GPC5: variants seen among roughly 807,000 people sequenced by gnomAD.
The protein encoded by GPC5 is glypican-5.
GPC5 carries 47 observed loss-of-function variants against 53.9 expected under a neutral mutation model. The observed-to-expected ratio is 0.87, with a 90% CI of 0.69 to 1.11. The LOEUF is 1.11. GPC5 is among the 50% of genes most tolerant of loss of function. The probability of loss-of-function intolerance (pLI) is 0.00; values close to 1 mark genes in which losing one functional copy is unlikely to be tolerated. For synonymous variants in GPC5, 286 were observed against 263.3 expected (o/e 1.09, Z -0.84); for missense variants, 748 against 713.1 (o/e 1.05, Z -0.56).
chr13:92,731,496 T>G (rs1184219283), intron 7 of GPC5, among the ~76,000 whole-genome samples: 1 of 151,220 alleles, frequency 6.6e-6, no homozygotes, highest in African/African-American at 2.4e-5. Context: ...AATAAACAGA[T>G]GGGGGAGAAT....
At chr13:92,655,306 T>TTTATTTAC in intron 7 of GPC5, among the ~76,000 whole-genome samples, 1 of 132,970 alleles carries the variant, frequency 7.5e-6, no homozygotes, top group South Asian at 2.8e-4. Flanking sequence ...CTTTTATTTA[T>TTTATTTAC]TTATTTATTT....
At chr13:92,720,341 TA>T (rs747876524) in intron 7 of GPC5, among the ~76,000 whole-genome samples, 7 of 152,160 alleles carry the variant, frequency 4.6e-5, no homozygotes, top group Non-Finnish European at 1.0e-4. Flanking sequence ...AATAAAGGTT[TA>T]AAAAGGTTTT....
intron 5 of GPC5, among the ~76,000 whole-genome samples, chr13:91,766,753 A>AT (rs1179766452): frequency 6.6e-6 from 1 of 152,100 alleles, no homozygotes; most frequent in Non-Finnish European, 1.5e-5. Context: ...TCAGCTACTT[A>AT]TGTGGCTGAG....
chr13:91,557,559 A>C (rs2031028266), intron 2 of GPC5, among the ~76,000 whole-genome samples: 1 of 152,118 alleles, frequency 6.6e-6, no homozygotes. Flanking sequence ...TTCAGGTGAC[A>C]GAGCAGAGTT....
intron 6 of GPC5, among the ~76,000 whole-genome samples, chr13:92,119,792 G>T (rs2041633896): frequency 6.7e-6 from 1 of 150,116 alleles, no homozygotes; most frequent in African/African-American, 2.5e-5. Flanking sequence ...ATGTGTAGAT[G>T]AGTTTTTTAG....
chr13:91,965,044 A>T (rs1594692458), intron 6 of GPC5, among the ~76,000 whole-genome samples: 1 of 125,854 alleles, frequency 7.9e-6, no homozygotes, highest in South Asian at 2.7e-4. Flanking sequence ...GAGAACACTT[A>T]GACACAGGGT....
At chr13:91,646,145 G>T (rs931444097) in intron 2 of GPC5, among the ~76,000 whole-genome samples, 11 of 152,196 alleles carry the variant, frequency 7.2e-5, no homozygotes, top group Middle Eastern at 3.4e-3. Flanking sequence ...CAAATCTGTA[G>T]CCCAGAAACC....
intron 6 of GPC5, among the ~76,000 whole-genome samples, chr13:91,934,602 T>G (rs1191782652): frequency 6.6e-6 from 1 of 151,968 alleles, no homozygotes; most frequent in Non-Finnish European, 1.5e-5. Context: ...AGATAGCAGC[T>G]GAAGAATTTA....
At chr13:92,449,236 G>A (rs966037221) in intron 7 of GPC5, among the ~76,000 whole-genome samples, 5 of 152,120 alleles carry the variant, frequency 3.3e-5, no homozygotes, top group African/African-American at 1.2e-4. Flanking sequence ...CATTAAAATA[G>A]TATATGCAGT....
intron 6 of GPC5, among the ~76,000 whole-genome samples, chr13:92,129,819 CAAG>C (rs1349640170): frequency 2.0e-5 from 3 of 151,840 alleles, no homozygotes; most frequent in African/African-American, 7.3e-5. Flanking sequence ...CAGAACAAAA[CAAG>C]AAAGACATGA....
chr13:92,359,942 T>G (rs541916433), intron 7 of GPC5, among the ~76,000 whole-genome samples: 44 of 151,888 alleles, frequency 2.9e-4, no homozygotes, highest in Non-Finnish European at 3.1e-4. Context: ...TTGTTTTTTT[T>G]CTTGTAAATT....
chr13:92,627,564 C>T (rs573446071), intron 7 of GPC5, among the ~76,000 whole-genome samples: 6 of 152,150 alleles, frequency 3.9e-5, no homozygotes, highest in African/African-American at 1.4e-4. Flanking sequence ...AACATATTTA[C>T]TGTAATTCAT....
At chr13:91,987,551 T>C (rs1331664707) in intron 6 of GPC5, among the ~76,000 whole-genome samples, 3 of 151,880 alleles carry the variant, frequency 2.0e-5, no homozygotes, top group Non-Finnish European at 4.4e-5. Flanking sequence ...ACTTTGTTTT[T>C]ATATTAAAAT....
At chr13:92,583,749 G>C (rs1883442745) in intron 7 of GPC5, among the ~76,000 whole-genome samples, 1 of 152,196 alleles carries the variant, frequency 6.6e-6, no homozygotes, top group Admixed American at 6.5e-5. Context: ...ATATGGTTTG[G>C]CTGTGTCCCC....
chr13:92,797,785 T>C (rs559986345), intron 7 of GPC5, among the ~76,000 whole-genome samples: 79 of 151,346 alleles, frequency 5.2e-4, no homozygotes, highest in African/African-American at 1.8e-3. Flanking sequence ...TATAGACAGA[T>C]AGATCAATAG....
At chr13:92,840,691 G>A in intron 7 of GPC5, among the ~76,000 whole-genome samples, 1 of 151,998 alleles carries the variant, frequency 6.6e-6, no homozygotes, top group East Asian at 1.9e-4. Flanking sequence ...ATTGCTTTGG[G>A]TAGTATGGAT....
At chr13:92,087,119 C>T (rs2041342121) in intron 6 of GPC5, among the ~76,000 whole-genome samples, 1 of 152,144 alleles carries the variant, frequency 6.6e-6, no homozygotes, top group African/African-American at 2.4e-5. Flanking sequence ...TGCTGAGGGC[C>T]ATCTTGATAC....
At chr13:91,830,316 C>G (rs569045865) in intron 5 of GPC5, among the ~76,000 whole-genome samples, 1 of 152,046 alleles carries the variant, frequency 6.6e-6, no homozygotes, top group Non-Finnish European at 1.5e-5. Context: ...TCTTGTTTCC[C>G]AAACATTGCT....
rs933022546 is a variant in GPC5, at chr13:91,471,294, G to GT, written c.325+22382dup. 1.2e-3 allele frequency among the ~76,000 whole-genome samples: 180 copies of GT among 147,512 alleles called. 4 individuals carry two copies. In the Middle Eastern group the frequency reaches 0.038, roughly 31 times the overall value. On this transcript the variant is annotated intron_variant, in intron 2 of 7. Coordinates refer to ENST00000377067, the MANE Select transcript of GPC5 (RefSeq NM_004466.6). ...TCCTGGTGATCATGAACCACCTGCT[G>GT]TTTTTTTTTTCATTTGGAGATAATG...
Sources: gnomAD v4.1 joint callset for allele counts (sites outside exome capture counted in the v4.1 genomes callset) on GRCh38, gnomAD v4.1.1 for gene constraint, MANE v1.5 for transcripts, NCBI Gene and HGNC (gene_info 2026-07-23, HGNC 2026-07-21) for gene names.